The following LARP4 variants were observed in gnomAD, a reference collection of about 807,000 sequenced individuals.
LARP4 encodes the protein La ribonucleoprotein 4.
Under a neutral mutation model 92.9 loss-of-function variants are expected in LARP4, and 29 were observed. That is an observed-to-expected ratio of 0.31 (90% confidence interval 0.23 to 0.43). The LOEUF (loss-of-function observed/expected upper bound fraction) is 0.43. Among genes scored for constraint, LARP4 ranks in the 20% least tolerant of loss-of-function variants. LARP4 has a pLI of 1.00. For synonymous variants in LARP4, 279 were observed against 284.1 expected, an observed-to-expected ratio of 0.98 and a Z score of 0.18; for missense variants, 732 against 860.0, an observed-to-expected ratio of 0.85 and a Z score of 1.86.
chr12:50,473,615 C>G, intron 14 of LARP4, 79 bp downstream of exon 14: 9 of 1,490,354 alleles, frequency 6.0e-6, no homozygotes, highest in Non-Finnish European at 8.2e-6. Flanking sequence ...CCTGTAATCC[C>G]AGCACTTTGG....
In LARP4 at chr12:50,466,947, T is replaced by G; in HGVS notation, c.1384-12T>G. On this transcript the variant is annotated splice_polypyrimidine_tract_variant and intron_variant, in intron 12 of 15. Transcript: ENST00000398473. ...TAGCCATGTGACCTGTTTTATTATT[T>G]GTTCATTTTAGAGACCTCATCCTTC... The G allele has an allele frequency of 6.3e-7, 1 of 1,599,108 alleles. No homozygotes were observed.
chr12:50,411,867 TAAACG>T (rs1182611478), intron 1 of LARP4, among the ~76,000 whole-genome samples: 2 of 150,580 alleles, frequency 1.3e-5, no homozygotes, highest in Non-Finnish European at 3.0e-5. Context: ...TTTTAGTAGA[TAAACG>T]GGGTTTCACC....
Position 50,431,553 on chromosome 12 carries a change from A to G in LARP4, c.398+983A>G, listed in dbSNP as rs532216848. Among the ~76,000 whole-genome samples the G allele has an allele frequency of 4.9e-4, 74 of 152,032 alleles. No homozygotes were observed. The South Asian group carries it at 0.011, about 23-fold the overall frequency. On this transcript the variant is annotated intron_variant, in intron 4 of 15. Transcript: ENST00000398473. ...ACATTTGGAGAAGTCTTATTTACAG[A>G]TAAGAATAATGGGCCAGGCGCAGTG...
At chr12:50,421,633 A>G (rs1012208769) in intron 1 of LARP4, among the ~76,000 whole-genome samples, 2 of 150,120 alleles carry the variant, frequency 1.3e-5, no homozygotes, top group African/African-American at 5.0e-5. Context: ...AGACAGCAAG[A>G]CTTCATCACA....
At chr12:50,447,711 T>G (rs183424906) in intron 8 of LARP4, among the ~76,000 whole-genome samples, 21 of 151,940 alleles carry the variant, frequency 1.4e-4, no homozygotes, top group South Asian at 4.2e-4. Context: ...AGCTAATTAT[T>G]TTGTTTGTTT....
chr12:50,475,549 T>G lies in LARP4; in HGVS notation c.1860T>G (p.Ala620=). The G allele has an allele frequency of 6.2e-7, 1 of 1,613,362 alleles. No homozygotes were observed. Among genetic ancestry groups the G allele is most frequent in the Non-Finnish European group, 8.5e-7 (1 of 1,179,686 alleles). Residue 620 remains alanine (A), a synonymous_variant, in exon 16 of 16, where the codon GCT becomes GCG. Coordinates refer to ENST00000398473, the MANE Select transcript of LARP4 (RefSeq NM_052879.5). The stretch of plus-strand genomic sequence containing the variant: ...AGGAACCCCGAAAGTTAAGTTATGC[T>G]GAAGTGTGCCAGAAGCCCCCTAAAG... ...ALQEPRKLSY[A]EVCQKPPKEP...
At chr12:50,473,316 A>T in intron 13 of LARP4, 99 bp from the exon 14 acceptor site, 1 of 798,716 alleles carries the variant, frequency 1.3e-6, no homozygotes, top group Non-Finnish European at 2.0e-6. Context: ...TTTTATGATG[A>T]CTAATGATGT....
intron 8 of LARP4, among the ~76,000 whole-genome samples, chr12:50,447,452 C>T (rs947965401): frequency 6.6e-6 from 1 of 152,030 alleles, no homozygotes; most frequent in Non-Finnish European, 1.5e-5. Context: ...ATAAATTTAC[C>T]AAGTGTTAGA....
At chr12:50,437,594 C>A in intron 5 of LARP4, 141 bp from the exon 6 acceptor site, 1 of 538,534 alleles carries the variant, frequency 1.9e-6, no homozygotes, top group Non-Finnish European at 3.3e-6. Flanking sequence ...ATCTTTGATT[C>A]TACAACTTAG....
At chr12:50,457,052 A>ACAGG (rs1329398659) in intron 10 of LARP4, among the ~76,000 whole-genome samples, 1 of 152,072 alleles carries the variant, frequency 6.6e-6, no homozygotes, top group African/African-American at 2.4e-5. Context: ...AGCTGGGACT[A>ACAGG]CAGGCATGTG....
chr12:50,436,519 C>T lies in LARP4; in HGVS notation c.535+895C>T, dbSNP rs531721793. On this transcript the variant is annotated intron_variant, in intron 5 of 15. Coordinates refer to ENST00000398473, the MANE Select transcript of LARP4 (RefSeq NM_052879.5). ...CAGTTCAATATACACCATATACCTA[C>T]ACCTGACCGAAATATTTGTAACAAA... Among the ~76,000 whole-genome samples, 5 of 152,282 alleles carry T rather than the reference C, an allele frequency of 3.3e-5. No individual in the cohort carries two copies. The South Asian group carries it at 1.0e-3, about 32-fold the overall frequency.
At chr12:50,447,317 T>G (rs941515175) in intron 8 of LARP4, among the ~76,000 whole-genome samples, 2 of 152,126 alleles carry the variant, frequency 1.3e-5, no homozygotes, top group Non-Finnish European at 2.9e-5. Context: ...ATTAAAAGGG[T>G]CAGCAAACAT....
intron 8 of LARP4, among the ~76,000 whole-genome samples, chr12:50,452,108 AGCCACTATAAGTAATGCT>A (rs1399524933): frequency 6.6e-6 from 1 of 152,208 alleles, no homozygotes; most frequent in Non-Finnish European, 1.5e-5. Flanking sequence ...TCCATATGTT[AGCCACTATAAGTAATGCT>A]GCAACACAGA....
intron 12 of LARP4, among the ~76,000 whole-genome samples, chr12:50,465,201 A>G (rs528178961): frequency 2.6e-5 from 4 of 151,946 alleles, no homozygotes; most frequent in African/African-American, 9.6e-5. Flanking sequence ...GTGAAACCCC[A>G]TCTCTACTAA....
At chr12:50,424,218 TA>T (rs1948357821) in intron 1 of LARP4, among the ~76,000 whole-genome samples, 1 of 152,134 alleles carries the variant, frequency 6.6e-6, no homozygotes, top group African/African-American at 2.4e-5. Flanking sequence ...AATTTTTTTT[TA>T]ATTAGTGGAG....
chr12:50,424,012 G>T (rs957094251), intron 1 of LARP4, among the ~76,000 whole-genome samples: 1 of 152,062 alleles, frequency 6.6e-6, no homozygotes, highest in South Asian at 2.1e-4. Flanking sequence ...CAAGGCCTTG[G>T]CCTCCCAAAG....
At chr12:50,419,003 A>G (rs951135469) in intron 1 of LARP4, among the ~76,000 whole-genome samples, 3 of 152,134 alleles carry the variant, frequency 2.0e-5, no homozygotes, top group South Asian at 2.1e-4. Context: ...TTACAGGTGT[A>G]TATATAAAGT....
In LARP4 at chr12:50,435,615, G is replaced by A. The variant is rs1418394879; in HGVS notation, c.526G>A (p.Val176Met). The A allele has an allele frequency of 6.3e-7, 1 of 1,576,364 alleles. No homozygotes were observed. Among genetic ancestry groups the A allele is most frequent in the Non-Finnish European group, 8.6e-7 (1 of 1,165,078 alleles). The stretch of plus-strand genomic sequence containing the variant: ...TACAGACCCTGATCTAATTCTTGAA[G>A]TGTTAAGATGTATGTAAAAATACCT... The part of the protein sequence containing the change: ...LTTDPDLILE[V>M]LRSSPMVQVD... The change falls in exon 5 of 16, where the codon GTG becomes ATG. Residue 176 changes from valine to methionine, a missense_variant. Val to Met is a conservative substitution (Grantham distance 21, BLOSUM62 1). This residue lies in a region of LARP4 where 236 missense variants were observed against 307.6 expected (regional missense o/e 0.77). Transcript: ENST00000398473.
intron 4 of LARP4, among the ~76,000 whole-genome samples, chr12:50,432,686 C>A (rs1296033626): frequency 6.6e-6 from 1 of 151,836 alleles, no homozygotes; most frequent in Non-Finnish European, 1.5e-5. Context: ...ATGGTGAAAC[C>A]CCATCTCTAC....
Sources: gnomAD v4.1 joint callset for allele counts (sites outside exome capture counted in the v4.1 genomes callset) on GRCh38, gnomAD v4.1.1 for gene constraint, gnomAD v4.1.1 regional missense constraint, MANE v1.5 for transcripts, NCBI Gene and HGNC (gene_info 2026-07-23, HGNC 2026-07-21) for gene names.